CCSER1: variants seen among roughly 807,000 people sequenced by gnomAD.
The protein encoded by CCSER1 is serine-rich coiled-coil domain-containing protein 1.
A neutral mutation model predicts 82.0 loss-of-function variants in CCSER1; 41 were observed. The ratio of observed to expected loss-of-function variants is 0.50; its 90% confidence interval spans 0.39 to 0.65. The LOEUF (loss-of-function observed/expected upper bound fraction) is 0.65, where lower values mean the gene tolerates loss of function less well. CCSER1 is among the 30% of genes least tolerant of loss of function. The pLI is 0.00. For missense variants in CCSER1, 1,119 were observed against 1,064.2 expected (o/e 1.05, Z -0.72); for synonymous variants, 414 against 383.9 (o/e 1.08, Z -0.92).
intron 10 of CCSER1, among the ~76,000 whole-genome samples, chr4:91,144,892 G>C (rs1048355450): frequency 2.0e-5 from 3 of 151,976 alleles, no homozygotes; most frequent in African/African-American, 7.2e-5. Context: ...ACTGTTGTCA[G>C]TCTTAAAGTA....
intron 10 of CCSER1, among the ~76,000 whole-genome samples, chr4:91,384,072 T>C (rs1330420285): frequency 6.8e-6 from 1 of 146,442 alleles, no homozygotes; most frequent in Non-Finnish European, 1.5e-5. Context: ...CTAAAGTGAA[T>C]TTTTTTTGTG....
chr4:90,380,093 C>T (rs1000234794), intron 3 of CCSER1, among the ~76,000 whole-genome samples: 6 of 152,110 alleles, frequency 3.9e-5, no homozygotes, highest in African/African-American at 1.4e-4. Context: ...GACCCTACCT[C>T]CAGCATTTGG....
chr4:90,177,708 T>C (rs1732960516), intron 1 of CCSER1, among the ~76,000 whole-genome samples: 2 of 152,136 alleles, frequency 1.3e-5, no homozygotes, highest in African/African-American at 4.8e-5. Flanking sequence ...TTATTACTGC[T>C]TTTCTTCACA....
chr4:90,548,218 C>T (rs1166605795), intron 5 of CCSER1, among the ~76,000 whole-genome samples: 5 of 152,074 alleles, frequency 3.3e-5, no homozygotes, highest in East Asian at 1.9e-4. Flanking sequence ...AGGACTCTTA[C>T]GCAGCTAAAG....
intron 10 of CCSER1, among the ~76,000 whole-genome samples, chr4:91,565,120 C>G (rs1191649034): frequency 1.3e-5 from 2 of 150,180 alleles, no homozygotes; most frequent in African/African-American, 2.4e-5. Context: ...CTGCATATGG[C>G]TAGCCAGTTA....
chr4:90,922,853 C>A (rs556037956), intron 8 of CCSER1, among the ~76,000 whole-genome samples: 2 of 152,076 alleles, frequency 1.3e-5, no homozygotes, highest in Non-Finnish European at 2.9e-5. Context: ...GTATTACTTC[C>A]CTTCCCTAGT....
chr4:90,552,169 T>G (rs985420640), intron 5 of CCSER1, among the ~76,000 whole-genome samples: 3 of 152,166 alleles, frequency 2.0e-5, no homozygotes, highest in African/African-American at 7.2e-5. Flanking sequence ...CATTGGCCAT[T>G]AAGTTTCAAC....
At chr4:91,177,243 G>A (rs907270485) in intron 10 of CCSER1, among the ~76,000 whole-genome samples, 1 of 152,178 alleles carries the variant, frequency 6.6e-6, no homozygotes, top group Non-Finnish European at 1.5e-5. Flanking sequence ...GAGGAATTTT[G>A]CATTGATGTT....
chr4:90,270,846 G>A (rs1357356765), intron 1 of CCSER1, among the ~76,000 whole-genome samples: 2 of 152,064 alleles, frequency 1.3e-5, no homozygotes, highest in African/African-American at 4.8e-5. Context: ...TGTGCCAACA[G>A]TGAACAATCT....
intron 10 of CCSER1, among the ~76,000 whole-genome samples, chr4:91,172,983 A>T (rs1732926512): frequency 6.6e-6 from 1 of 152,176 alleles, no homozygotes; most frequent in Non-Finnish European, 1.5e-5. Context: ...TTAATAGCAC[A>T]TTTGATGTGC....
At chr4:90,653,763 G>A (rs10022603) in intron 6 of CCSER1, among the ~76,000 whole-genome samples, 9,399 of 151,994 alleles carry the variant, frequency 0.062, 405 homozygotes, top group South Asian at 0.12. Context: ...CTACAAAAAC[G>A]CATTAGTTAA....
At chr4:90,926,214 T>C (rs1446913898) in intron 9 of CCSER1, among the ~76,000 whole-genome samples, 3 of 152,032 alleles carry the variant, frequency 2.0e-5, no homozygotes, top group African/African-American at 7.2e-5. Context: ...TTCAAAAATA[T>C]TTTATAAACA....
At chr4:91,380,167 C>G (rs957707769) in intron 10 of CCSER1, among the ~76,000 whole-genome samples, 2 of 152,066 alleles carry the variant, frequency 1.3e-5, no homozygotes, top group African/African-American at 2.4e-5. Context: ...TTACTTCCAA[C>G]TATGTGGTCA....
At chr4:90,180,843 A>G (rs1733602980) in intron 1 of CCSER1, among the ~76,000 whole-genome samples, 1 of 152,154 alleles carries the variant, frequency 6.6e-6, no homozygotes, top group Non-Finnish European at 1.5e-5. Context: ...TTCAAAATGA[A>G]CATCATAATG....
At chr4:90,716,579 G>A (rs1032577386) in intron 6 of CCSER1, among the ~76,000 whole-genome samples, 1 of 151,972 alleles carries the variant, frequency 6.6e-6, no homozygotes, top group East Asian at 1.9e-4. Context: ...TTATAATACT[G>A]TATTTTTACT....
At chr4:90,425,877 A>C (rs947908991) in intron 4 of CCSER1, among the ~76,000 whole-genome samples, 1 of 151,922 alleles carries the variant, frequency 6.6e-6, no homozygotes, top group African/African-American at 2.4e-5. Flanking sequence ...TCTAGTAACA[A>C]ATAAAGCTGT....
chr4:91,101,944 C>T (rs1725107032), intron 10 of CCSER1, among the ~76,000 whole-genome samples: 1 of 152,136 alleles, frequency 6.6e-6, no homozygotes, highest in African/African-American at 2.4e-5. Flanking sequence ...TCCTAAGAGG[C>T]AGAAACTTTG....
intron 8 of CCSER1, among the ~76,000 whole-genome samples, chr4:90,821,660 T>G (rs1474458000): frequency 6.6e-6 from 1 of 152,258 alleles, no homozygotes; most frequent in South Asian, 2.1e-4. Context: ...TACTTAATCA[T>G]AATTAATTAT....
intron 6 of CCSER1, among the ~76,000 whole-genome samples, chr4:90,713,366 TG>T: frequency 6.6e-6 from 1 of 152,096 alleles, no homozygotes; most frequent in Non-Finnish European, 1.5e-5. Context: ...AGCATTTGTT[TG>T]TTTGAAAATG....
Sources: allele counts gnomAD v4.1 joint callset (sites outside exome capture counted in the v4.1 genomes callset), GRCh38; gene constraint gnomAD v4.1.1; transcripts MANE v1.5; gene names NCBI Gene and HGNC (gene_info 2026-07-23, HGNC 2026-07-21).